The following MAPKAP1 variants were observed in gnomAD, a reference collection of about 807,000 sequenced individuals.
MAPKAP1 encodes the protein MAPK associated protein 1.
Under a neutral mutation model 65.7 loss-of-function variants are expected in MAPKAP1, and 20 were observed. The ratio of observed to expected loss-of-function variants is 0.30; its 90% CI spans 0.21 to 0.44. The LOEUF (loss-of-function observed/expected upper bound fraction) is 0.44. MAPKAP1 is among the 20% of genes least tolerant of loss of function. MAPKAP1 has a pLI of 1.00. For missense variants in MAPKAP1, 423 were observed against 648.0 expected (o/e 0.65, Z 3.77); for synonymous variants, 222 against 244.3 (o/e 0.91, Z 0.85).
chr9:125,693,392 T>A, intron 1 of MAPKAP1, among the ~76,000 whole-genome samples: 1 of 140,258 alleles, frequency 7.1e-6, no homozygotes, highest in African/African-American at 2.8e-5. Context: ...CCAGCTCAAG[T>A]AACAAGAGCG....
chr9:125,586,637 C>T (rs1242278501), intron 4 of MAPKAP1, among the ~76,000 whole-genome samples: 1 of 152,094 alleles, frequency 6.6e-6, no homozygotes, highest in African/African-American at 2.4e-5. Context: ...AGACCCAGGC[C>T]ATCCGATGAC....
chr9:125,480,645 T>G (rs929859972), intron 9 of MAPKAP1, among the ~76,000 whole-genome samples: 1 of 152,092 alleles, frequency 6.6e-6, no homozygotes, highest in African/African-American at 2.4e-5. Flanking sequence ...ATAATGACAA[T>G]GATAATAACA....
chr9:125,554,992 T>TAACACCC (rs1830696511), intron 6 of MAPKAP1, among the ~76,000 whole-genome samples: 1 of 152,142 alleles, frequency 6.6e-6, no homozygotes, highest in Non-Finnish European at 1.5e-5. Context: ...GTAAAACATT[T>TAACACCC]AACACCCAAT....
At chr9:125,457,222 C>G (rs1202634095) in intron 10 of MAPKAP1, among the ~76,000 whole-genome samples, 1 of 152,128 alleles carries the variant, frequency 6.6e-6, no homozygotes, top group Non-Finnish European at 1.5e-5. Context: ...CTCCTGACCT[C>G]AGGTGATCTA....
chr9:125,639,890 T>C (rs1444444163), intron 4 of MAPKAP1, among the ~76,000 whole-genome samples: 1 of 152,106 alleles, frequency 6.6e-6, no homozygotes, highest in African/African-American at 2.4e-5. Flanking sequence ...GAGGCTTATT[T>C]CTCCTTCTGG....
intron 7 of MAPKAP1, among the ~76,000 whole-genome samples, chr9:125,531,538 G>A (rs1829933431): frequency 1.3e-5 from 2 of 152,156 alleles, no homozygotes; most frequent in African/African-American, 4.8e-5. Context: ...TTTAACAGAC[G>A]AGCTAATAAC....
chr9:125,515,742 T>C (rs1829441337), intron 7 of MAPKAP1, among the ~76,000 whole-genome samples: 1 of 152,128 alleles, frequency 6.6e-6, no homozygotes, highest in Non-Finnish European at 1.5e-5. Context: ...TCAATAGCAA[T>C]GAAGAACAGA....
chr9:125,438,214 C>T lies in MAPKAP1; in HGVS notation c.*673G>A. ...CTCTGAGGTCAGAAGCTGGGGTGTG[C>T]TGAAGGGGAAAGTGACACGGCCTTG... On this transcript the variant is annotated 3_prime_UTR_variant, in exon 12 of 12. Transcript: ENST00000265960. The T allele has an allele frequency of 2.5e-6, 1 of 395,412 alleles. No homozygotes were observed. The highest frequency in any genetic ancestry group is 4.5e-6 in the Non-Finnish European group (1 of 224,572). The allele number at this position is 395,412 out of a possible 1,614,324, so 24.5% of individuals were successfully genotyped here.
intron 4 of MAPKAP1, among the ~76,000 whole-genome samples, chr9:125,657,427 G>A (rs964492853): frequency 3.3e-5 from 5 of 151,892 alleles, no homozygotes; most frequent in Non-Finnish European, 5.9e-5. Context: ...AAAGAGCACA[G>A]GACTGTTTTT....
At chr9:125,625,394 A>G (rs1419103332) in intron 4 of MAPKAP1, among the ~76,000 whole-genome samples, 2 of 152,068 alleles carry the variant, frequency 1.3e-5, no homozygotes, top group African/African-American at 2.4e-5. Context: ...GAAACTACAC[A>G]ATTATTGAGG....
chr9:125,500,547 T>C (rs1564532858), intron 8 of MAPKAP1, among the ~76,000 whole-genome samples: 1 of 152,150 alleles, frequency 6.6e-6, no homozygotes, highest in Non-Finnish European at 1.5e-5. Context: ...TAGGTATGAG[T>C]GTGCTTGTGT....
At chr9:125,520,094 T>C (rs938402013) in intron 7 of MAPKAP1, among the ~76,000 whole-genome samples, 1 of 152,242 alleles carries the variant, frequency 6.6e-6, no homozygotes, top group African/African-American at 2.4e-5. Flanking sequence ...TCACATGTTA[T>C]GTAATCCTGG....
chr9:125,672,250 G>A (rs1457802245), intron 2 of MAPKAP1, 66 bp downstream of exon 2: 4 of 1,545,770 alleles, frequency 2.6e-6, no homozygotes, highest in Non-Finnish European at 3.5e-6. Flanking sequence ...CCAATATTAT[G>A]CATTATTCCA....
At chr9:125,535,648 CACTCA>C (rs1830053838) in intron 7 of MAPKAP1, among the ~76,000 whole-genome samples, 2 of 152,232 alleles carry the variant, frequency 1.3e-5, no homozygotes, top group African/African-American at 4.8e-5. Flanking sequence ...TACATCATTA[CACTCA>C]TATACACTTT....
chr9:125,620,467 C>G (rs149442429), intron 4 of MAPKAP1, among the ~76,000 whole-genome samples: 8 of 152,320 alleles, frequency 5.3e-5, no homozygotes, highest in Non-Finnish European at 1.2e-4. Context: ...ACAAAAATTA[C>G]AAATGCATAT....
chr9:125,670,929 A>G (rs1374592907), intron 2 of MAPKAP1, among the ~76,000 whole-genome samples: 1 of 152,244 alleles, frequency 6.6e-6, no homozygotes, highest in Non-Finnish European at 1.5e-5. Flanking sequence ...GCATTGTGGT[A>G]GGGAAACACT....
chr9:125,631,732 T>C (rs980850930), intron 4 of MAPKAP1, among the ~76,000 whole-genome samples: 3 of 152,152 alleles, frequency 2.0e-5, no homozygotes, highest in Admixed American at 1.3e-4. Context: ...ATTCCAGTCA[T>C]ACCCTACTAC....
At chr9:125,695,243 G>C (rs529845148) in intron 1 of MAPKAP1, among the ~76,000 whole-genome samples, 1 of 152,276 alleles carries the variant, frequency 6.6e-6, no homozygotes, top group African/African-American at 2.4e-5. Flanking sequence ...GTACAAAACA[G>C]GCAGAGATTA....
intron 4 of MAPKAP1, among the ~76,000 whole-genome samples, chr9:125,602,428 C>T (rs1200460088): frequency 3.3e-5 from 5 of 152,160 alleles, no homozygotes; most frequent in Admixed American, 1.3e-4. Flanking sequence ...TTCCAGACAG[C>T]ATCACCAAGA....
Sources: allele counts gnomAD v4.1 joint callset (sites outside exome capture counted in the v4.1 genomes callset), GRCh38; gene constraint gnomAD v4.1.1; transcripts MANE v1.5; gene names NCBI Gene and HGNC (gene_info 2026-07-23, HGNC 2026-07-21).